Variants in SAMD12 observed in about 807,000 individuals in gnomAD.
SAMD12 encodes the protein sterile alpha motif domain containing 12.
Under a neutral mutation model 15.0 loss-of-function variants are expected in SAMD12, and 9 were observed. That is an observed-to-expected ratio of 0.60 (90% CI 0.36 to 1.05). The LOEUF (loss-of-function observed/expected upper bound fraction) is 1.05. Among genes scored for constraint, SAMD12 ranks in the 50% least tolerant of loss-of-function variants. The pLI is 0.01. For synonymous variants in SAMD12, 86 were observed against 90.1 expected (o/e 0.96, Z 0.25); for missense variants, 230 against 234.2 (o/e 0.98, Z 0.12).
the SAMD12 span, among the ~76,000 whole-genome samples, chr8:118,133,970 T>C: frequency 6.6e-6 from 1 of 152,222 alleles, no homozygotes; most frequent in Non-Finnish European, 1.5e-5. Flanking sequence ...TATTGGCTCT[T>C]TTATCCCCTT....
intron 2 of SAMD12, 28 bp downstream of exon 2, chr8:118,580,687 C>G (rs771679765): frequency 6.4e-7 from 1 of 1,569,100 alleles, no homozygotes; most frequent in South Asian, 1.1e-5. Context: ...GCTTTCAAAT[C>G]TCCGTAATTA....
chr8:118,240,554 G>A (rs917183879), intron 4 of SAMD12, among the ~76,000 whole-genome samples: 1 of 152,034 alleles, frequency 6.6e-6, no homozygotes, highest in Admixed American at 6.6e-5. Flanking sequence ...GGTAATAATG[G>A]TATTTGTACC....
chr8:118,308,578 A>C (rs536318811), intron 4 of SAMD12, among the ~76,000 whole-genome samples: 38 of 152,318 alleles, frequency 2.5e-4, no homozygotes, highest in African/African-American at 9.1e-4. Flanking sequence ...CCATCATCAC[A>C]CAATATTTTC....
intron 2 of SAMD12, among the ~76,000 whole-genome samples, chr8:118,447,201 G>A (rs1488362557): frequency 6.6e-6 from 1 of 152,012 alleles, no homozygotes; most frequent in East Asian, 1.9e-4. Context: ...CTACAATCCT[G>A]ATTGGAAACA....
At chr8:118,410,708 C>G (rs150286685) in intron 3 of SAMD12, among the ~76,000 whole-genome samples, 1 of 152,120 alleles carries the variant, frequency 6.6e-6, no homozygotes, top group African/African-American at 2.4e-5. Flanking sequence ...GGTGAATACC[C>G]GAGAATGGCT....
intron 4 of SAMD12, among the ~76,000 whole-genome samples, chr8:118,313,330 A>G (rs756795778): frequency 6.6e-6 from 1 of 152,178 alleles, no homozygotes; most frequent in African/African-American, 2.4e-5. Flanking sequence ...TTGATAATTT[A>G]TACTTTGAGA....
intron 1 of SAMD12, among the ~76,000 whole-genome samples, chr8:118,604,202 A>G (rs887346997): frequency 6.6e-6 from 1 of 152,178 alleles, no homozygotes; most frequent in African/African-American, 2.4e-5. Context: ...AATAAGTACA[A>G]TGTTGTCAGC....
At chr8:118,204,769 G>GA (rs1465026074) in intron 4 of SAMD12, among the ~76,000 whole-genome samples, 5 of 151,940 alleles carry the variant, frequency 3.3e-5, no homozygotes, top group African/African-American at 4.8e-5. Context: ...AAGAAAAAAA[G>GA]AAAAAAATAT....
At chr8:118,185,626 T>C (rs1396558229), downstream of SAMD12, among the ~76,000 whole-genome samples, 1 of 152,190 alleles carries the variant, frequency 6.6e-6, no homozygotes, top group Non-Finnish European at 1.5e-5. Context: ...ACTGAAGTAG[T>C]GTGCTACAAA....
chr8:118,191,757 T>TCTC (rs1819381900), exon 5 of SAMD12: 11 of 6,728 alleles, frequency 1.6e-3, no homozygotes, highest in African/African-American at 9.6e-3. Context: ...TACTGGAGAT[T>TCTC]ATATATATAT....
chr8:118,143,848 A>C, the SAMD12 span, among the ~76,000 whole-genome samples: 15 of 152,304 alleles, frequency 9.8e-5, no homozygotes, highest in Middle Eastern at 0.01. Context: ...CCAGACCCCC[A>C]GATCCTTGTT....
chr8:118,377,376 C>T (rs186000277), downstream of SAMD12, among the ~76,000 whole-genome samples: 7 of 152,090 alleles, frequency 4.6e-5, no homozygotes, highest in African/African-American at 1.7e-4. Flanking sequence ...CCAGCTGGGG[C>T]AACAGAGTGA....
intron 2 of SAMD12, among the ~76,000 whole-genome samples, chr8:118,457,743 G>C (rs1383707400): frequency 1.3e-5 from 2 of 152,094 alleles, no homozygotes; most frequent in Non-Finnish European, 2.9e-5. Flanking sequence ...CATGAAGCTG[G>C]CTCTTATTAT....
At chr8:118,231,582 C>T (rs549071437) in intron 4 of SAMD12, among the ~76,000 whole-genome samples, 110 of 152,228 alleles carry the variant, frequency 7.2e-4, no homozygotes, top group African/African-American at 2.2e-3. Context: ...AGAATACAGT[C>T]CTATATCACA....
At chr8:118,369,047 T>C (rs1818944718) in intron 4 of SAMD12, among the ~76,000 whole-genome samples, 1 of 152,236 alleles carries the variant, frequency 6.6e-6, no homozygotes, top group South Asian at 2.1e-4. Flanking sequence ...ATGGCATACA[T>C]CATTCTATCC....
Position 118,390,987 on chromosome 8 carries a change from T to C in SAMD12, c.323-11287A>G, listed in dbSNP as rs187480625. Among the ~76,000 whole-genome samples the C allele has an allele frequency of 2.4e-4, 37 of 152,288 alleles. No individual in the cohort carries two copies. In the East Asian group the frequency reaches 6.7e-3, roughly 28 times the overall value. On this transcript the variant is annotated intron_variant, in intron 3 of 3. Transcript: ENST00000314727. ...TGAAATATAAATTCAGAAAGAAATATATTACAGTGCTTTTCAAACAGAAAA... is the reference window on the plus strand; with the variant it reads ...TGAAATATAAATTCAGAAAGAAATACATTACAGTGCTTTTCAAACAGAAAA...
At chr8:118,214,942 C>T (rs1404356821) in intron 4 of SAMD12, among the ~76,000 whole-genome samples, 2 of 152,068 alleles carry the variant, frequency 1.3e-5, no homozygotes, top group African/African-American at 2.4e-5. Context: ...ATCCTCAGAC[C>T]GAAGGTTAAA....
chr8:118,222,610 A>G (rs1812106777), intron 4 of SAMD12, among the ~76,000 whole-genome samples: 1 of 152,082 alleles, frequency 6.6e-6, no homozygotes, highest in Non-Finnish European at 1.5e-5. Context: ...GGTTCAAGCG[A>G]TTCTGCTGCC....
At chr8:118,479,451 A>G (rs1824058266) in intron 2 of SAMD12, among the ~76,000 whole-genome samples, 1 of 152,210 alleles carries the variant, frequency 6.6e-6, no homozygotes, top group South Asian at 2.1e-4. Flanking sequence ...GTGAAAGCGG[A>G]AACCCCTTAT....
Sources: allele counts gnomAD v4.1 joint callset (sites outside exome capture counted in the v4.1 genomes callset), GRCh38; gene constraint gnomAD v4.1.1; transcripts MANE v1.5; gene names NCBI Gene and HGNC (gene_info 2026-07-23, HGNC 2026-07-21).